ATP8A2: variants seen among roughly 807,000 people sequenced by gnomAD.
ATP8A2 encodes the protein ATPase phospholipid transporting 8A2, also known as phospholipid-transporting ATPase IB.
Under a neutral mutation model 165.6 loss-of-function variants are expected in ATP8A2, and 100 were observed. That is an observed-to-expected ratio of 0.60 (90% CI 0.51 to 0.71). The LOEUF is 0.71. Ranked by LOEUF, ATP8A2 falls within the 30% of genes least tolerant of loss-of-function variation. The pLI, the probability that ATP8A2 is intolerant of heterozygous loss-of-function variation, is 0.00. For synonymous variants in ATP8A2, 543 were observed against 548.8 expected (o/e 0.99, Z 0.15); for missense variants, 1,227 against 1,479.5 (o/e 0.83, Z 2.80).
Position 25,855,839 on chromosome 13 carries a change from C to T in ATP8A2, c.2957-4356C>T, listed in dbSNP as rs370011367. On this transcript the variant is annotated intron_variant, in intron 30 of 36. Coordinates refer to ENST00000381655, the MANE Select transcript of ATP8A2 (RefSeq NM_016529.6). The stretch of plus-strand genomic sequence containing the variant: ...GTTATTGTCTGTTTTTCTGTAGGCA[C>T]CCCGGTGGGTGTTAAGTGGTATCTC... Among the ~76,000 whole-genome samples, 291 of 152,264 alleles carry T rather than the reference C, an allele frequency of 1.9e-3. 2 individuals carry two copies. Among genetic ancestry groups the T allele is most frequent in the Admixed American group, 2.7e-3 (42 of 15,292 alleles).
chr13:25,838,217 C>T (rs1951669746), intron 29 of ATP8A2, among the ~76,000 whole-genome samples: 2 of 152,186 alleles, frequency 1.3e-5, no homozygotes, highest in Admixed American at 1.3e-4. Context: ...CTCTCCAGGC[C>T]TCAAGGAGAG....
At chr13:25,445,940 C>T (rs544931519) in intron 1 of ATP8A2, among the ~76,000 whole-genome samples, 1 of 152,186 alleles carries the variant, frequency 6.6e-6, no homozygotes, top group South Asian at 2.1e-4. Context: ...GAACCTGGAC[C>T]GGTTGGTCAA....
At chr13:25,558,695 G>A (rs1327798986) in intron 13 of ATP8A2, among the ~76,000 whole-genome samples, 1 of 151,924 alleles carries the variant, frequency 6.6e-6, no homozygotes, top group African/African-American at 2.4e-5. Flanking sequence ...TAGAATGATG[G>A]TGCATATCAT....
intron 25 of ATP8A2, among the ~76,000 whole-genome samples, chr13:25,739,362 C>T (rs1475486240): frequency 1.3e-5 from 2 of 152,226 alleles, no homozygotes; most frequent in East Asian, 1.9e-4. Context: ...TGTTCTCTAT[C>T]ATTAAACTAT....
chr13:25,459,329 T>C (rs1425549703), intron 1 of ATP8A2, among the ~76,000 whole-genome samples: 2 of 152,244 alleles, frequency 1.3e-5, no homozygotes, highest in African/African-American at 4.8e-5. Context: ...TCAGATTAGT[T>C]GCAGACTAAA....
chr13:25,664,997 T>C (rs1298747140), intron 24 of ATP8A2, among the ~76,000 whole-genome samples: 3 of 147,358 alleles, frequency 2.0e-5, no homozygotes, highest in African/African-American at 5.2e-5. Context: ...GCATCAGAGA[T>C]TGAAAAAAAA....
At chr13:25,637,885 G>T (rs560917842) in intron 24 of ATP8A2, among the ~76,000 whole-genome samples, 1 of 152,160 alleles carries the variant, frequency 6.6e-6, no homozygotes, top group African/African-American at 2.4e-5. Flanking sequence ...ACCTCACACG[G>T]CCGGGTACCC....
chr13:25,685,650 G>A (rs901453566), intron 24 of ATP8A2, among the ~76,000 whole-genome samples: 3 of 152,232 alleles, frequency 2.0e-5, no homozygotes, highest in Non-Finnish European at 4.4e-5. Context: ...CTGGGAGAAT[G>A]GATGCAAGGG....
rs1957059986 is a variant in ATP8A2 at position 26,020,010 on chromosome 13, T to G, written c.*25T>G. 2 of 1,519,260 alleles carry G rather than the reference T, an allele frequency of 1.3e-6. No individual in the cohort carries two copies. The highest frequency in any genetic ancestry group is 2.2e-5 in the South Asian group (2 of 89,066). The allele number at this position is 1,519,260 out of a possible 1,614,324, so 94.1% of individuals were successfully genotyped here. A position where few individuals can be genotyped will look rare whatever the true frequency, so the allele number is the denominator to read the frequency against. On this transcript the variant is annotated 3_prime_UTR_variant, in exon 37 of 37. Transcript: ENST00000381655. Reference sequence around the variant, plus strand: ...AGACATGAATTTTCCTGACTGATCTTAGGAAAGAGATTCAGTTTGTTGCAC... The same window carrying G: ...AGACATGAATTTTCCTGACTGATCTGAGGAAAGAGATTCAGTTTGTTGCAC...
chr13:25,573,764 A>T (rs1251934184), intron 18 of ATP8A2, among the ~76,000 whole-genome samples: 1 of 152,138 alleles, frequency 6.6e-6, no homozygotes. Flanking sequence ...GAAAGTTAGG[A>T]CAGGCTGTGG....
At chr13:25,505,759 T>A (rs181953390) in intron 2 of ATP8A2, among the ~76,000 whole-genome samples, 1 of 152,354 alleles carries the variant, frequency 6.6e-6, no homozygotes, top group East Asian at 1.9e-4. Context: ...TTATTATTAT[T>A]ATATACAATA....
At chr13:25,676,846 A>G (rs1007161009) in intron 24 of ATP8A2, among the ~76,000 whole-genome samples, 2 of 152,192 alleles carry the variant, frequency 1.3e-5, no homozygotes, top group Admixed American at 6.5e-5. Flanking sequence ...GTTATTCAAT[A>G]GGGAACTCCC....
At chr13:25,733,820 T>G (rs1411200318) in intron 25 of ATP8A2, among the ~76,000 whole-genome samples, 4 of 151,558 alleles carry the variant, frequency 2.6e-5, no homozygotes, top group Non-Finnish European at 5.9e-5. Flanking sequence ...TCAGATCCTC[T>G]GAAACTAAGG....
chr13:25,539,060 A>AGTGTGTGTGTGT (rs57382485), intron 7 of ATP8A2, among the ~76,000 whole-genome samples: 61 of 137,510 alleles, frequency 4.4e-4, no homozygotes, highest in African/African-American at 1.4e-3. Flanking sequence ...TAGAAAATTT[A>AGTGTGTGTGTGT]GTGTGTGTGT....
At chr13:25,792,536 G>A (rs181308137) in intron 27 of ATP8A2, among the ~76,000 whole-genome samples, 1 of 152,276 alleles carries the variant, frequency 6.6e-6, no homozygotes, top group African/African-American at 2.4e-5. Flanking sequence ...CCACTTTCCT[G>A]ATTGCTTTGA....
intron 33 of ATP8A2, among the ~76,000 whole-genome samples, chr13:25,955,825 C>T (rs1031476440): frequency 6.6e-6 from 1 of 151,962 alleles, no homozygotes; most frequent in Non-Finnish European, 1.5e-5. Flanking sequence ...CACAACAAAA[C>T]AAAAAATTTC....
rs1029214640 is a variant in ATP8A2, at chr13:25,547,130, G to GAAAT, written c.891+3748_891+3751dup. Among the ~76,000 whole-genome samples, 14 of 151,308 alleles carry GAAAT rather than the reference G, an allele frequency of 9.3e-5. No homozygotes were observed. In the East Asian group the frequency reaches 1.4e-3, roughly 15 times the overall value. On this transcript the variant is annotated intron_variant, in intron 10 of 36. Transcript: ENST00000381655. Reference sequence around the variant, plus strand: ...GGGTGACAGAGCCAGGCTCCGTCTCGAAATAAATAAATAAATAAATAAAAA... The same window carrying GAAAT: ...GGGTGACAGAGCCAGGCTCCGTCTCGAAATAAATAAATAAATAAATAAATAAAAA...
chr13:26,019,862 G>C, intron 36 of ATP8A2, 26 bp from the exon 37 acceptor site: 1 of 1,562,104 alleles, frequency 6.4e-7, no homozygotes, highest in Non-Finnish European at 8.8e-7. Context: ...CTGTTAACCA[G>C]TTTCTCCTGT....
At chr13:25,767,015 C>T (rs985151028) in intron 25 of ATP8A2, among the ~76,000 whole-genome samples, 8 of 152,180 alleles carry the variant, frequency 5.3e-5, no homozygotes, top group African/African-American at 1.9e-4. Flanking sequence ...CTTAAATGGT[C>T]AATGTGTGGT....
Sources: gnomAD v4.1 joint callset for allele counts (sites outside exome capture counted in the v4.1 genomes callset) on GRCh38, gnomAD v4.1.1 for gene constraint, MANE v1.5 for transcripts, NCBI Gene and HGNC (gene_info 2026-07-23, HGNC 2026-07-21) for gene names.